Variants in GDA observed in about 807,000 individuals in gnomAD.
GDA encodes the protein guanine deaminase, also known as cytoplasmic PSD-95 interactor.
In GDA, 18 loss-of-function variants were observed where a neutral mutation model predicts 59.6. That is an observed-to-expected ratio of 0.30 (90% confidence interval 0.21 to 0.45). GDA has a LOEUF of 0.45. GDA is among the 20% of genes least tolerant of loss of function. GDA has a pLI of 1.00. For synonymous variants in GDA, 201 were observed against 201.1 expected, an observed-to-expected ratio of 1.00 and a Z score of 0.00; for missense variants, 427 against 552.3, an observed-to-expected ratio of 0.77 and a Z score of 2.27.
chr9:72,160,295 C>T (rs530906031), intron 1 of GDA, among the ~76,000 whole-genome samples: 14 of 151,988 alleles, frequency 9.2e-5, no homozygotes, highest in Non-Finnish European at 1.5e-4. Flanking sequence ...GGCAACAGAA[C>T]GAGACTCTGT....
intron 6 of GDA, among the ~76,000 whole-genome samples, chr9:72,222,087 G>A (rs375944137): frequency 6.6e-6 from 1 of 152,206 alleles, no homozygotes; most frequent in East Asian, 1.9e-4. Flanking sequence ...TAATGGGATT[G>A]TTGAGTCAAA....
chr9:72,163,698 T>A (rs1402475010), intron 1 of GDA, among the ~76,000 whole-genome samples: 1 of 152,178 alleles, frequency 6.6e-6, no homozygotes, highest in Non-Finnish European at 1.5e-5. Flanking sequence ...TTCACCGTAT[T>A]AGCCAGGATG....
rs114859598 is a variant in GDA at position 72,233,986 on chromosome 9, C to G, written c.988+2805C>G. ...AAGAATTGTATGAGGATGTTTATAT[C>G]AGCTTTATTTATAATAGCCCCAAAC... On this transcript the variant is annotated intron_variant, in intron 10 of 13. Coordinates refer to ENST00000358399, the MANE Select transcript of GDA (RefSeq NM_004293.5). 6.0e-3 allele frequency among the ~76,000 whole-genome samples: 907 copies of G among 152,194 alleles called. 11 individuals are homozygous for G. Among genetic ancestry groups the G allele is most frequent in the African/African-American group, 0.02 (848 of 41,504 alleles).
intron 1 of GDA, among the ~76,000 whole-genome samples, chr9:72,136,834 G>T (rs978412758): frequency 1.3e-5 from 2 of 152,084 alleles, no homozygotes; most frequent in African/African-American, 4.8e-5. Flanking sequence ...AATTAGCCGG[G>T]CATGGTGGCA....
intron 1 of GDA, among the ~76,000 whole-genome samples, chr9:72,158,844 T>G (rs979196770): frequency 5.9e-5 from 9 of 151,754 alleles, no homozygotes; most frequent in African/African-American, 2.2e-4. Flanking sequence ...CCCTTACAAA[T>G]CAACAACCTT....
At chr9:72,177,254 G>A (rs934552633) in intron 1 of GDA, among the ~76,000 whole-genome samples, 17 of 151,638 alleles carry the variant, frequency 1.1e-4, no homozygotes, top group Admixed American at 3.3e-4. Context: ...ACATACCACC[G>A]CATGGCTAAC....
At chr9:72,151,444 T>C (rs1046765751) in intron 1 of GDA, among the ~76,000 whole-genome samples, 1 of 152,162 alleles carries the variant, frequency 6.6e-6, no homozygotes, top group African/African-American at 2.4e-5. Context: ...ATTTCAAAAC[T>C]TGACATCCCC....
chr9:72,255,298 T>A (rs1474164748), downstream of GDA, among the ~76,000 whole-genome samples: 1 of 152,216 alleles, frequency 6.6e-6, no homozygotes. Flanking sequence ...TTCCAGGTCA[T>A]CCTCATAGCT....
intron 5 of GDA, among the ~76,000 whole-genome samples, chr9:72,216,832 C>T (rs546771707): frequency 2.6e-5 from 4 of 152,196 alleles, no homozygotes; most frequent in South Asian, 4.2e-4. Flanking sequence ...CCCGCCACCA[C>T]GCCCAGCTAA....
Position 72,251,193 on chromosome 9 carries a change from T to A in GDA, c.*2851T>A. ...TTACAGGTTAAAGGGAAAGAAATGGTGGGAAACTCTCCCCGTAATGCTTAG... is the reference window on the plus strand; with the variant it reads ...TTACAGGTTAAAGGGAAAGAAATGGAGGGAAACTCTCCCCGTAATGCTTAG... On this transcript the variant is annotated 3_prime_UTR_variant, in exon 14 of 14. Transcript: ENST00000358399. 1 of 185,728 alleles carries A rather than the reference T, an allele frequency of 5.4e-6. No individual in the cohort carries two copies. The highest frequency in any genetic ancestry group is 2.4e-5 in the African/African-American group (1 of 42,136). 11.5% of individuals were successfully genotyped at this position (185,728 alleles called of 1,614,324 possible).
chr9:72,195,337 C>CTTT (rs55634274), intron 1 of GDA, among the ~76,000 whole-genome samples, 163 bp from the exon 2 acceptor site: 6,258 of 119,424 alleles, frequency 0.052, 368 homozygotes, highest in African/African-American at 0.11. Context: ...AAACACCTGT[C>CTTT]TTTTTTTTTT....
intron 13 of GDA, among the ~76,000 whole-genome samples, chr9:72,248,051 C>T (rs1840334635): frequency 6.6e-6 from 1 of 152,048 alleles, no homozygotes; most frequent in African/African-American, 2.4e-5. Flanking sequence ...TGATTTCTGC[C>T]TCTGGTGCAG....
chr9:72,210,814 A>G (rs1835259327), intron 4 of GDA, 40 bp downstream of exon 4: 2 of 1,214,616 alleles, frequency 1.6e-6, no homozygotes, highest in Non-Finnish European at 2.4e-6. Context: ...CCTCAAGCAA[A>G]GACAGCCAGA....
chr9:72,217,265 A>G (rs1836248774), intron 5 of GDA, among the ~76,000 whole-genome samples: 1 of 152,172 alleles, frequency 6.6e-6, no homozygotes, highest in Non-Finnish European at 1.5e-5. Context: ...TTTAAAAGGA[A>G]GATTTTGTAC....
intron 3 of GDA, among the ~76,000 whole-genome samples, chr9:72,207,119 C>T (rs1395416979): frequency 2.0e-5 from 3 of 151,946 alleles, no homozygotes; most frequent in African/African-American, 7.3e-5. Context: ...AATTGTTGAT[C>T]ATCCCAATTC....
chr9:72,252,850 G>T (rs1331954357), downstream of GDA, among the ~76,000 whole-genome samples: 1 of 152,178 alleles, frequency 6.6e-6, no homozygotes, highest in Non-Finnish European at 1.5e-5. Flanking sequence ...TAATATGAGT[G>T]CCTGCCTTAC....
intron 1 of GDA, among the ~76,000 whole-genome samples, chr9:72,162,468 C>CT (rs1828752592): frequency 6.6e-6 from 1 of 151,684 alleles, no homozygotes; most frequent in Non-Finnish European, 1.5e-5. Flanking sequence ...ATTAACTAGG[C>CT]AGAGAGAGGG....
intron 7 of GDA, among the ~76,000 whole-genome samples, chr9:72,224,136 C>T (rs941297820): frequency 2.0e-5 from 3 of 151,732 alleles, no homozygotes; most frequent in East Asian, 1.9e-4. Context: ...CTTCTGTCGC[C>T]GACAAAATAA....
intron 10 of GDA, among the ~76,000 whole-genome samples, chr9:72,233,149 A>G (rs1838550571): frequency 6.6e-6 from 1 of 152,198 alleles, no homozygotes; most frequent in Non-Finnish European, 1.5e-5. Flanking sequence ...AAACTTTAGA[A>G]GATTATTATA....
Sources: allele counts gnomAD v4.1 joint callset (sites outside exome capture counted in the v4.1 genomes callset), GRCh38; gene constraint gnomAD v4.1.1; transcripts MANE v1.5; gene names NCBI Gene and HGNC (gene_info 2026-07-23, HGNC 2026-07-21).